The following CAST variants were observed in gnomAD, a reference collection of about 807,000 sequenced individuals.
CAST encodes the protein MIR583 host.
In CAST, 76 loss-of-function variants were observed where a neutral mutation model predicts 119.6. The observed-to-expected ratio is 0.64, with a 90% CI of 0.53 to 0.77. The LOEUF (loss-of-function observed/expected upper bound fraction) is 0.77, where lower values mean the gene tolerates loss of function less well. Ranked by LOEUF, CAST falls within the 30% of genes least tolerant of loss-of-function variation. The pLI is 0.00. For synonymous variants in CAST, 319 were observed against 331.6 expected (o/e 0.96, Z 0.41); for missense variants, 953 against 946.5 (o/e 1.01, Z -0.09).
the CAST span, among the ~76,000 whole-genome samples, chr5:96,271,670 T>C: frequency 2.4e-4 from 35 of 142,946 alleles, no homozygotes; most frequent in Admixed American, 2.4e-3. Context: ...AAAAAAAACA[T>C]TGAAGAAATG....
chr5:96,429,894 A>G, the CAST span, among the ~76,000 whole-genome samples: 1 of 152,208 alleles, frequency 6.6e-6, no homozygotes. Context: ...ACATTGGAGG[A>G]AATACATGTT....
chr5:96,162,837 T>C, the CAST span, among the ~76,000 whole-genome samples: 5 of 152,236 alleles, frequency 3.3e-5, no homozygotes, highest in Non-Finnish European at 7.3e-5. Flanking sequence ...TGTGTCTATA[T>C]TGATAAGCGA....
the CAST span, among the ~76,000 whole-genome samples, chr5:96,074,460 A>C: frequency 6.6e-6 from 1 of 152,214 alleles, no homozygotes; most frequent in Non-Finnish European, 1.5e-5. Flanking sequence ...CACAGTGAGA[A>C]GGTGGCCACT....
intron 1 of CAST, among the ~76,000 whole-genome samples, chr5:96,647,949 T>C (rs1748039466): frequency 6.6e-6 from 1 of 152,230 alleles, no homozygotes; most frequent in South Asian, 2.1e-4. Flanking sequence ...CAGTTCAAAA[T>C]GAGCTGTGAC....
intron 2 of CAST, among the ~76,000 whole-genome samples, chr5:96,686,141 C>T (rs1177303529): frequency 6.7e-6 from 1 of 150,012 alleles, no homozygotes; most frequent in Non-Finnish European, 1.5e-5. Flanking sequence ...TCTCCCAGGA[C>T]CTTGTCCTTT....
intron 1 of CAST, among the ~76,000 whole-genome samples, chr5:96,534,739 G>GAGAAAGAAAGAA (rs1207971503): frequency 2.2e-4 from 5 of 22,712 alleles, no homozygotes; most frequent in African/African-American, 4.1e-4. Context: ...GAGAGAGAGA[G>GAGAAAGAAAGAA]AGAAAGAAAG....
the CAST span, among the ~76,000 whole-genome samples, chr5:96,202,166 A>G: frequency 1.3e-5 from 2 of 152,032 alleles, no homozygotes; most frequent in African/African-American, 4.8e-5. Context: ...TATCTTGAAT[A>G]TTAGATGAAT....
chr5:96,703,337 C>T (rs760531175), intron 3 of CAST, among the ~76,000 whole-genome samples: 1 of 152,160 alleles, frequency 6.6e-6, no homozygotes, highest in Non-Finnish European at 1.5e-5. Context: ...CCTCCCCAGC[C>T]GTGCCGCCAC....
the CAST span, among the ~76,000 whole-genome samples, chr5:96,420,011 A>C: frequency 6.6e-6 from 1 of 152,100 alleles, no homozygotes. Flanking sequence ...CTGCCTAGGA[A>C]GGAGCCAGTG....
At position 96,689,004 on chromosome 5, in the gene CAST, G is replaced by A. The variant is rs9314175; in HGVS notation, c.139-6832G>A. On this transcript the variant is annotated intron_variant, in intron 2 of 31. Transcript: ENST00000675179. Reference sequence around the variant, plus strand: ...ATGAGTGTATGTTTTGTGTGCTTGTGTGTAGGGGTGGGGGCACACACACGT... The same window carrying A: ...ATGAGTGTATGTTTTGTGTGCTTGTATGTAGGGGTGGGGGCACACACACGT... Among the ~76,000 whole-genome samples, 1,130 of 135,828 alleles carry A rather than the reference G, an allele frequency of 8.3e-3. 21 individuals are homozygous for A. Among genetic ancestry groups the A allele is most frequent in the African/African-American group, 0.032 (1,053 of 32,552 alleles). 89.1% of individuals were successfully genotyped at this position (135,828 alleles called of 152,430 possible).
At chr5:96,185,088 T>C in the CAST span, among the ~76,000 whole-genome samples, 2 of 152,382 alleles carry the variant, frequency 1.3e-5, no homozygotes, top group East Asian at 3.9e-4. Context: ...TTGATTTGTA[T>C]TTCTCTATCA....
the CAST span, among the ~76,000 whole-genome samples, chr5:96,379,083 C>A: frequency 6.6e-6 from 1 of 152,056 alleles, no homozygotes; most frequent in African/African-American, 2.4e-5. Flanking sequence ...ATTTCTATTT[C>A]CTTAGGATAT....
chr5:96,090,914 C>T, the CAST span, among the ~76,000 whole-genome samples: 1 of 152,062 alleles, frequency 6.6e-6, no homozygotes, highest in Non-Finnish European at 1.5e-5. Flanking sequence ...CAGAGGAGGA[C>T]TGAGTTCTTC....
the CAST span, among the ~76,000 whole-genome samples, chr5:96,519,569 T>C: frequency 6.6e-6 from 1 of 152,206 alleles, no homozygotes; most frequent in Admixed American, 6.5e-5. Context: ...GCATAGAATT[T>C]CATGGCATGA....
Position 96,619,014 on chromosome 5 carries a change from T to G in CAST, c.61-56525T>G, listed in dbSNP as rs1030192582. ...CACTCTGTATCTAGCTTGGGGTTCATGGATGCATCAGTCAGCACTCTGTGT... is the reference window on the plus strand; with the variant it reads ...CACTCTGTATCTAGCTTGGGGTTCAGGGATGCATCAGTCAGCACTCTGTGT... On this transcript the variant is annotated intron_variant, in intron 1 of 11. Transcript: ENST00000505143. Among the ~76,000 whole-genome samples the G allele has an allele frequency of 3.3e-5, 5 of 152,174 alleles. No individual in the cohort carries two copies. In the South Asian group the frequency reaches 8.3e-4, roughly 25 times the overall value.
chr5:96,565,385 T>C (rs1746448013), intron 1 of CAST, among the ~76,000 whole-genome samples: 1 of 152,128 alleles, frequency 6.6e-6, no homozygotes, highest in Non-Finnish European at 1.5e-5. Context: ...CACATATATA[T>C]ATATACAACT....
intron 16 of CAST, chr5:96,743,685 A>G: frequency 6.2e-7 from 1 of 1,613,426 alleles, no homozygotes; most frequent in Middle Eastern, 1.7e-4. Context: ...GTGTGGCACG[A>G]TAAGCTTTGT....
the CAST span, among the ~76,000 whole-genome samples, chr5:96,125,636 G>A: frequency 1.7e-3 from 252 of 152,218 alleles, 1 homozygote; most frequent in African/African-American, 5.9e-3. Flanking sequence ...TACTATCCTC[G>A]TAAGGTTGTT....
the CAST span, among the ~76,000 whole-genome samples, chr5:96,356,395 T>C: frequency 6.6e-6 from 1 of 152,248 alleles, no homozygotes; most frequent in African/African-American, 2.4e-5. Context: ...GTTTCAGTCA[T>C]GAAGTCTTTG....
Sources: gnomAD v4.1 joint callset for allele counts (sites outside exome capture counted in the v4.1 genomes callset) on GRCh38, gnomAD v4.1.1 for gene constraint, MANE v1.5 for transcripts, NCBI Gene and HGNC (gene_info 2026-07-23, HGNC 2026-07-21) for gene names.